The following GALNTL6 variants were observed in gnomAD, a reference collection of about 807,000 sequenced individuals.
The protein encoded by GALNTL6 is polypeptide N-acetylgalactosaminyltransferase like 6.
In GALNTL6, 46 loss-of-function variants were observed where a neutral mutation model predicts 73.7. The observed-to-expected ratio is 0.62, with a 90% CI of 0.49 to 0.80. The LOEUF (loss-of-function observed/expected upper bound fraction) is 0.80. Ranked by LOEUF, GALNTL6 falls within the 30% of genes least tolerant of loss-of-function variation. GALNTL6 has a pLI of 0.00. For missense variants in GALNTL6, 604 were observed against 755.0 expected (o/e 0.80, Z 2.34); for synonymous variants, 259 against 263.7 (o/e 0.98, Z 0.17).
At chr4:172,889,244 A>C (rs1745890362) in intron 8 of GALNTL6, among the ~76,000 whole-genome samples, 1 of 152,040 alleles carries the variant, frequency 6.6e-6, no homozygotes, top group Non-Finnish European at 1.5e-5. Context: ...TGGATGATTT[A>C]TATTTCTTTC....
chr4:172,148,975 G>T (rs1733995805), intron 2 of GALNTL6, among the ~76,000 whole-genome samples: 1 of 152,044 alleles, frequency 6.6e-6, no homozygotes, highest in Non-Finnish European at 1.5e-5. Context: ...ACACAGTGAG[G>T]TCTCCATAGC....
At chr4:172,082,355 G>C (rs1731903835) in intron 2 of GALNTL6, among the ~76,000 whole-genome samples, 1 of 152,186 alleles carries the variant, frequency 6.6e-6, no homozygotes, top group African/African-American at 2.4e-5. Flanking sequence ...GATTGAATTT[G>C]AGATGCCTTT....
chr4:172,097,100 G>T (rs1427969215), intron 2 of GALNTL6, among the ~76,000 whole-genome samples: 2 of 151,994 alleles, frequency 1.3e-5, no homozygotes, highest in East Asian at 3.9e-4. Context: ...TAGAGGAGTG[G>T]TCCTTACTGG....
chr4:172,826,472 C>A (rs141232071), intron 7 of GALNTL6, among the ~76,000 whole-genome samples: 36 of 152,320 alleles, frequency 2.4e-4, no homozygotes, highest in African/African-American at 8.7e-4. Flanking sequence ...CTTTGCCCAA[C>A]CCCCAGCCCT....
rs919573880 is a variant in GALNTL6, at chr4:172,471,442, T to C, written c.553+122753T>C. Among the ~76,000 whole-genome samples the C allele has an allele frequency of 3.9e-5, 6 of 152,226 alleles. No homozygotes were observed. In the East Asian group the frequency reaches 1.2e-3, roughly 29 times the overall value. On this transcript the variant is annotated intron_variant, in intron 5 of 12. Transcript: ENST00000506823. ...TTTTGTTTTGTTTATGTTTTACCAT[T>C]TTCTCCAACTCATTGTGCAGTTTAT...
intron 5 of GALNTL6, among the ~76,000 whole-genome samples, chr4:172,598,885 A>C (rs1274179207): frequency 6.6e-6 from 1 of 152,082 alleles, no homozygotes; most frequent in Non-Finnish European, 1.5e-5. Flanking sequence ...ATTGTTCTTT[A>C]TTTCTTTCTT....
intron 2 of GALNTL6, among the ~76,000 whole-genome samples, chr4:171,970,356 T>A (rs373561151): frequency 6.6e-6 from 1 of 152,298 alleles, no homozygotes; most frequent in African/African-American, 2.4e-5. Context: ...TAATTAGAAA[T>A]CAGAAGTAAA....
chr4:173,018,935 T>G (rs1221691949), intron 11 of GALNTL6, among the ~76,000 whole-genome samples: 1 of 152,212 alleles, frequency 6.6e-6, no homozygotes, highest in East Asian at 1.9e-4. Context: ...CACAGGCCTT[T>G]CCAACAGACT....
intron 2 of GALNTL6, among the ~76,000 whole-genome samples, chr4:172,045,038 T>A (rs540771302): frequency 3.3e-5 from 5 of 152,222 alleles, no homozygotes; most frequent in African/African-American, 1.2e-4. Flanking sequence ...GTGGCTATTT[T>A]ATTCTTATAT....
intron 2 of GALNTL6, among the ~76,000 whole-genome samples, chr4:171,941,410 G>T (rs1285574990): frequency 6.6e-6 from 1 of 152,162 alleles, no homozygotes; most frequent in Non-Finnish European, 1.5e-5. Context: ...TTGAAATATG[G>T]TGCATTTTCC....
intron 9 of GALNTL6, among the ~76,000 whole-genome samples, chr4:172,931,544 T>G (rs975279241): frequency 6.6e-6 from 1 of 152,210 alleles, no homozygotes; most frequent in Admixed American, 6.5e-5. Context: ...GATGGGAAAA[T>G]GAAGTCTGAA....
intron 10 of GALNTL6, among the ~76,000 whole-genome samples, chr4:172,973,215 C>T (rs956338817): frequency 2.0e-5 from 3 of 152,168 alleles, no homozygotes; most frequent in African/African-American, 7.2e-5. Context: ...TATCAAGCTA[C>T]CATCACCTAA....
chr4:171,840,369 A>G (rs911417083), intron 2 of GALNTL6, among the ~76,000 whole-genome samples: 3 of 151,518 alleles, frequency 2.0e-5, no homozygotes. Context: ...ACAGTCATAC[A>G]TGCGGAAATA....
At chr4:172,425,191 A>G (rs1387707193) in intron 5 of GALNTL6, 1 of 152,252 alleles carries the variant, frequency 6.6e-6, no homozygotes, top group East Asian at 1.9e-4. Flanking sequence ...TGAACAATGC[A>G]TCTTAGTTAT....
intron 2 of GALNTL6, among the ~76,000 whole-genome samples, chr4:172,078,738 T>C (rs772642520): frequency 1.3e-5 from 2 of 152,212 alleles, no homozygotes; most frequent in Non-Finnish European, 2.9e-5. Flanking sequence ...GGTCACTTTC[T>C]TGTCTTTGAG....
At chr4:172,925,660 C>T (rs1748022783) in intron 8 of GALNTL6, among the ~76,000 whole-genome samples, 4 of 152,116 alleles carry the variant, frequency 2.6e-5, no homozygotes, top group Admixed American at 2.0e-4. Context: ...GGATCTCAGT[C>T]CCATAATTGC....
Position 172,455,950 on chromosome 4 carries a change from T to C in GALNTL6, c.553+107261T>C, listed in dbSNP as rs147492674. On this transcript the variant is annotated intron_variant, in intron 5 of 12. Transcript: ENST00000506823. ...CAACAGACACCTCATACAGGAGAGC[T>C]CCAGCTGGCATCTGACGGTTACCCC... is the stretch of plus-strand genomic sequence containing the variant. 9.2e-4 allele frequency among the ~76,000 whole-genome samples: 140 copies of C among 152,118 alleles called. 1 individual carries two copies. In the East Asian group the frequency reaches 0.026, roughly 29 times the overall value.
chr4:172,676,680 CCTCAGA>C (rs1164374067), intron 5 of GALNTL6, among the ~76,000 whole-genome samples: 8 of 152,128 alleles, frequency 5.3e-5, no homozygotes, highest in African/African-American at 1.9e-4. Flanking sequence ...GATGGGCATT[CCTCAGA>C]CTCAAACAGA....
intron 5 of GALNTL6, among the ~76,000 whole-genome samples, chr4:172,640,744 G>T (rs921638237): frequency 6.6e-6 from 1 of 152,072 alleles, no homozygotes; most frequent in South Asian, 2.1e-4. Flanking sequence ...CTTTTTGAAG[G>T]CCCTGCCTCC....
Sources: gnomAD v4.1 joint callset for allele counts (sites outside exome capture counted in the v4.1 genomes callset) on GRCh38, gnomAD v4.1.1 for gene constraint, MANE v1.5 for transcripts, NCBI Gene and HGNC (gene_info 2026-07-23, HGNC 2026-07-21) for gene names.